CDK14: variants seen among roughly 807,000 people sequenced by gnomAD.
The protein encoded by CDK14 is cyclin-dependent kinase 14.
In CDK14, 34 loss-of-function variants were observed where a neutral mutation model predicts 60.7. The ratio of observed to expected loss-of-function variants is 0.56; its 90% confidence interval spans 0.43 to 0.75. The LOEUF (loss-of-function observed/expected upper bound fraction) is 0.75. Among genes scored for constraint, CDK14 ranks in the 30% least tolerant of loss-of-function variants. The pLI, the probability that CDK14 is intolerant of heterozygous loss-of-function variation, is 0.00. For missense variants in CDK14, 482 were observed against 564.1 expected, an observed-to-expected ratio of 0.85 and a Z score of 1.47; for synonymous variants, 197 against 203.7, an observed-to-expected ratio of 0.97 and a Z score of 0.28.
At chr7:90,656,548 T>G (rs1411276128) in intron 2 of CDK14, among the ~76,000 whole-genome samples, 3 of 152,038 alleles carry the variant, frequency 2.0e-5, no homozygotes, top group Admixed American at 1.3e-4. Context: ...CCCGGCTAAT[T>G]TTTTTATTTT....
intron 4 of CDK14, among the ~76,000 whole-genome samples, chr7:90,774,056 A>G (rs1038791201): frequency 4.0e-5 from 6 of 151,864 alleles, no homozygotes; most frequent in Non-Finnish European, 2.9e-5. Context: ...GGCGCTTGCC[A>G]CCATGCCTGG....
At chr7:90,863,822 G>T (rs992946997) in intron 6 of CDK14, among the ~76,000 whole-genome samples, 2 of 151,992 alleles carry the variant, frequency 1.3e-5, no homozygotes, top group African/African-American at 4.8e-5. Context: ...ATCTTCTTAT[G>T]TGAGAGTATT....
At chr7:90,983,742 T>C (rs1048962810) in intron 9 of CDK14, among the ~76,000 whole-genome samples, 2 of 150,956 alleles carry the variant, frequency 1.3e-5, no homozygotes, top group Admixed American at 6.6e-5. Context: ...CTGGAGGCCA[T>C]TATGCTAAGT....
intron 10 of CDK14, among the ~76,000 whole-genome samples, chr7:91,034,939 T>TACACAC (rs1424202298): frequency 3.2e-5 from 3 of 94,516 alleles, no homozygotes; most frequent in African/African-American, 1.3e-4. Context: ...CACACACACA[T>TACACAC]ACACATACAC....
At chr7:91,016,302 C>T (rs557288482) in intron 10 of CDK14, among the ~76,000 whole-genome samples, 15 of 151,896 alleles carry the variant, frequency 9.9e-5, no homozygotes, top group East Asian at 7.7e-4. Context: ...CCTTTACACA[C>T]GCCTCTCATT....
Position 90,651,567 on chromosome 7 carries a change from A to G in CDK14, c.123+47318A>G, listed in dbSNP as rs146226640. Among the ~76,000 whole-genome samples, 4 of 152,146 alleles carry G rather than the reference A, an allele frequency of 2.6e-5. No individual in the cohort carries two copies. In the East Asian group the frequency reaches 7.7e-4, roughly 29 times the overall value. ...ATTAAATTCCTTCCATTTAAAATAC[A>G]TAATGTGTGAGGCTTCTGCTTTCCA... is the stretch of plus-strand genomic sequence containing the variant. On this transcript the variant is annotated intron_variant, in intron 2 of 14. Coordinates refer to ENST00000380050, the MANE Select transcript of CDK14 (RefSeq NM_001287135.2).
chr7:90,695,011 C>T (rs753851159), intron 2 of CDK14, among the ~76,000 whole-genome samples: 3 of 151,174 alleles, frequency 2.0e-5, no homozygotes, highest in Non-Finnish European at 2.9e-5. Flanking sequence ...ATAATTCTTC[C>T]CAAAAGAAAT....
At chr7:91,148,671 A>G (rs1234132928) in intron 14 of CDK14, among the ~76,000 whole-genome samples, 2 of 152,170 alleles carry the variant, frequency 1.3e-5, no homozygotes, top group Non-Finnish European at 2.9e-5. Context: ...GGTCAGAGGA[A>G]CGAGGACCAT....
Position 90,957,141 on chromosome 7 carries a change from G to T in CDK14, c.947+1324G>T, listed in dbSNP as rs547184447. 1.3e-4 allele frequency among the ~76,000 whole-genome samples: 20 copies of T among 151,068 alleles called. No individual in the cohort carries two copies. The South Asian group carries it at 2.8e-3, about 21-fold the overall frequency. ...TTGGGTATATACCCAGTAATGGGAT[G>T]GCTGGGTCAAATGGTATTTCTAGTT... On this transcript the variant is annotated intron_variant, in intron 9 of 14. Coordinates refer to ENST00000380050, the MANE Select transcript of CDK14 (RefSeq NM_001287135.2).
rs558243729 is a variant in CDK14, at chr7:90,669,150, A to G, written c.124-57417A>G. Among the ~76,000 whole-genome samples the G allele has an allele frequency of 5.3e-5, 8 of 152,182 alleles. No individual in the cohort carries two copies. The South Asian group carries it at 1.2e-3, about 24-fold the overall frequency. On this transcript the variant is annotated intron_variant, in intron 2 of 14. Transcript: ENST00000380050. ...CCTCCTCCTCCATTCTTAACTAACC[A>G]TGACATAATTTATTAGAATCTGTTT...
chr7:91,068,993 T>C (rs867842915), intron 11 of CDK14, among the ~76,000 whole-genome samples: 17 of 151,986 alleles, frequency 1.1e-4, no homozygotes, highest in African/African-American at 3.9e-4. Flanking sequence ...CCCCTGCAAA[T>C]AGAAAGGTTT....
rs1205137221 is a variant in CDK14, at chr7:90,822,775, A to G, written c.544+32123A>G. On this transcript the variant is annotated intron_variant, in intron 5 of 14. Coordinates refer to ENST00000380050, the MANE Select transcript of CDK14 (RefSeq NM_001287135.2). ...ATTGTTGCAAAGATGGACAAAACTA[A>G]TATCTGGTGTTGTAATCAGTATTGT... Among the ~76,000 whole-genome samples, 27 of 152,204 alleles carry G rather than the reference A, an allele frequency of 1.8e-4. 1 individual carries two copies. Among genetic ancestry groups the G allele is most frequent in the Admixed American group, 1.8e-3 (27 of 15,278 alleles).
At chr7:91,013,588 C>T (rs978266968) in intron 10 of CDK14, among the ~76,000 whole-genome samples, 2 of 151,522 alleles carry the variant, frequency 1.3e-5, no homozygotes, top group Admixed American at 1.3e-4. Flanking sequence ...ACCTACGTTC[C>T]TGTCCTGGCA....
intron 14 of CDK14, among the ~76,000 whole-genome samples, chr7:91,169,753 A>G (rs1332473297): frequency 6.6e-6 from 1 of 152,188 alleles, no homozygotes; most frequent in Non-Finnish European, 1.5e-5. Flanking sequence ...TAAGCTGTCA[A>G]TTTAATCCAC....
intron 11 of CDK14, among the ~76,000 whole-genome samples, chr7:91,057,677 T>G (rs1333455500): frequency 1.3e-5 from 2 of 152,350 alleles, no homozygotes; most frequent in African/African-American, 2.4e-5. Flanking sequence ...TTTCCCCATT[T>G]CTTCTTTTTG....
At chr7:90,755,479 AG>A (rs893912357) in intron 4 of CDK14, among the ~76,000 whole-genome samples, 9 of 152,220 alleles carry the variant, frequency 5.9e-5, no homozygotes, top group Middle Eastern at 3.4e-3. Flanking sequence ...TTGCTAAGGA[AG>A]GGGGAAAAGG....
At chr7:90,856,940 T>C (rs974755549) in intron 5 of CDK14, among the ~76,000 whole-genome samples, 1 of 152,086 alleles carries the variant, frequency 6.6e-6, no homozygotes, top group South Asian at 2.1e-4. Flanking sequence ...AAAGAACACA[T>C]AAGATGAAAG....
chr7:91,164,975 G>C lies in CDK14; in HGVS notation c.*29-42190G>C, dbSNP rs1801301910. ...CCACAGATACACATAGAGTGAAGGA[G>C]ATATTTTTGTTTAAAAGACTGACAG... is the stretch of plus-strand genomic sequence containing the variant. On this transcript the variant is annotated intron_variant, in intron 14 of 14. Coordinates refer to ENST00000380050, the MANE Select transcript of CDK14 (RefSeq NM_001287135.2). Among the ~76,000 whole-genome samples the C allele has an allele frequency of 1.3e-5, 2 of 152,166 alleles. 1 individual carries two copies. Among genetic ancestry groups the C allele is most frequent in the South Asian group, 4.1e-4 (2 of 4,826 alleles).
At chr7:91,019,212 G>A (rs986353605) in intron 10 of CDK14, among the ~76,000 whole-genome samples, 6 of 152,156 alleles carry the variant, frequency 3.9e-5, no homozygotes, top group African/African-American at 1.4e-4. Context: ...TCCTGAGCTG[G>A]CTTTCTCTTC....
Sources: gnomAD v4.1 joint callset for allele counts (sites outside exome capture counted in the v4.1 genomes callset) on GRCh38, gnomAD v4.1.1 for gene constraint, MANE v1.5 for transcripts, NCBI Gene and HGNC (gene_info 2026-07-23, HGNC 2026-07-21) for gene names.